Variants in TMEM132D observed in about 807,000 individuals in gnomAD.
TMEM132D encodes mature OL transmembrane protein.
A neutral mutation model predicts 62.3 loss-of-function variants in TMEM132D; 21 were observed. The ratio of observed to expected loss-of-function variants is 0.34; its 90% CI spans 0.24 to 0.49. TMEM132D has a LOEUF of 0.49. Ranked by LOEUF, TMEM132D falls within the 20% of genes least tolerant of loss-of-function variation. TMEM132D has a pLI of 0.99. For synonymous variants in TMEM132D, 621 were observed against 575.6 expected (o/e 1.08, Z -1.13); for missense variants, 1,346 against 1,402.8 (o/e 0.96, Z 0.65).
At chr12:129,535,771 TGTGTGC>T (rs1566102011) in intron 2 of TMEM132D, among the ~76,000 whole-genome samples, 216 of 66,898 alleles carry the variant, frequency 3.2e-3, no homozygotes, top group African/African-American at 0.01. Context: ...ATTTAAGATT[TGTGTGC>T]GTGTGTGTGT....
intron 1 of TMEM132D, among the ~76,000 whole-genome samples, chr12:129,758,196 C>T (rs529747125): frequency 3.3e-5 from 5 of 152,252 alleles, no homozygotes; most frequent in South Asian, 2.1e-4. Flanking sequence ...TGAGCCACCA[C>T]GCCTGGCCCA....
chr12:129,605,311 G>A (rs1274285210), intron 2 of TMEM132D, among the ~76,000 whole-genome samples: 1 of 151,954 alleles, frequency 6.6e-6, no homozygotes, highest in Non-Finnish European at 1.5e-5. Flanking sequence ...GCTCATTACT[G>A]ACTCATGTCT....
intron 3 of TMEM132D, among the ~76,000 whole-genome samples, chr12:129,372,718 T>C (rs1412730741): frequency 6.6e-6 from 1 of 151,920 alleles, no homozygotes; most frequent in Non-Finnish European, 1.5e-5. Flanking sequence ...TGATGATCTG[T>C]CACTGTCTCC....
intron 2 of TMEM132D, among the ~76,000 whole-genome samples, chr12:129,688,201 A>G (rs1394024193): frequency 2.6e-5 from 4 of 152,210 alleles, no homozygotes; most frequent in African/African-American, 9.7e-5. Context: ...ACAAACAGGC[A>G]TTTACTTACA....
intron 2 of TMEM132D, among the ~76,000 whole-genome samples, chr12:129,644,870 C>T (rs1417626980): frequency 6.7e-6 from 1 of 149,528 alleles, no homozygotes; most frequent in Non-Finnish European, 1.5e-5. Context: ...CCTGTAGTCC[C>T]AGCTACTCGG....
intron 4 of TMEM132D, among the ~76,000 whole-genome samples, chr12:129,302,835 T>C (rs543692792): frequency 5.3e-5 from 8 of 152,044 alleles, no homozygotes; most frequent in Admixed American, 3.9e-4. Flanking sequence ...CCTCCACCCA[T>C]GTGAGACCAA....
chr12:129,301,991 G>T (rs1206860164), intron 4 of TMEM132D, among the ~76,000 whole-genome samples: 1 of 152,010 alleles, frequency 6.6e-6, no homozygotes, highest in Non-Finnish European at 1.5e-5. Context: ...AAAACGTATT[G>T]TCTACAGCTT....
intron 2 of TMEM132D, among the ~76,000 whole-genome samples, chr12:129,642,980 A>T (rs937397180): frequency 7.1e-6 from 1 of 141,558 alleles, no homozygotes; most frequent in Non-Finnish European, 1.5e-5. Context: ...GCTGGAGAGC[A>T]ATGGCACAAT....
intron 1 of TMEM132D, among the ~76,000 whole-genome samples, chr12:129,879,404 A>G (rs1593196868): frequency 1.3e-5 from 2 of 152,268 alleles, no homozygotes; most frequent in South Asian, 4.1e-4. Flanking sequence ...ATCCTAACAC[A>G]ACATCAAAGT....
chr12:129,290,933 G>A (rs1881431611), intron 4 of TMEM132D, among the ~76,000 whole-genome samples: 1 of 152,144 alleles, frequency 6.6e-6, no homozygotes, highest in Non-Finnish European at 1.5e-5. Context: ...GCTTAAGGCA[G>A]AAATTGCATA....
At chr12:129,291,147 A>G (rs566964631) in intron 4 of TMEM132D, among the ~76,000 whole-genome samples, 11 of 152,264 alleles carry the variant, frequency 7.2e-5, no homozygotes, top group African/African-American at 2.4e-4. Flanking sequence ...TAAACTCCCC[A>G]TCAGTCAATG....
intron 5 of TMEM132D, among the ~76,000 whole-genome samples, chr12:129,192,945 C>T (rs1878445620): frequency 1.3e-5 from 2 of 152,014 alleles, no homozygotes; most frequent in African/African-American, 4.8e-5. Context: ...CCGAGGCGGG[C>T]GGATCACGAG....
intron 3 of TMEM132D, among the ~76,000 whole-genome samples, chr12:129,417,640 G>A (rs1448184467): frequency 6.6e-6 from 1 of 152,200 alleles, no homozygotes; most frequent in South Asian, 2.1e-4. Context: ...CATAGGCATG[G>A]GCAAAGACTT....
chr12:129,241,842 G>A (rs1393885717), intron 4 of TMEM132D, among the ~76,000 whole-genome samples: 1 of 152,170 alleles, frequency 6.6e-6, no homozygotes, highest in Non-Finnish European at 1.5e-5. Context: ...GCTTGGAGAG[G>A]AGATTATCAA....
chr12:129,658,223 GT>G (rs1455588164), intron 2 of TMEM132D, among the ~76,000 whole-genome samples: 2 of 152,086 alleles, frequency 1.3e-5, no homozygotes, highest in African/African-American at 4.8e-5. Flanking sequence ...TAAACCCCTG[GT>G]TGGTTAGAAA....
chr12:129,217,565 T>C (rs1879240165), intron 4 of TMEM132D, among the ~76,000 whole-genome samples: 2 of 152,156 alleles, frequency 1.3e-5, no homozygotes, highest in Non-Finnish European at 2.9e-5. Context: ...TGGAGGCTTA[T>C]CCAACCAGAA....
At chr12:129,490,519 C>T (rs1419834250) in intron 3 of TMEM132D, among the ~76,000 whole-genome samples, 2 of 147,606 alleles carry the variant, frequency 1.4e-5, no homozygotes, top group African/African-American at 5.1e-5. Context: ...AGCTCCGCCT[C>T]CCGGGTTCAC....
At chr12:129,597,044 A>T (rs1240108284) in intron 2 of TMEM132D, among the ~76,000 whole-genome samples, 2 of 152,218 alleles carry the variant, frequency 1.3e-5, no homozygotes, top group African/African-American at 2.4e-5. Context: ...TGGTTCCCTG[A>T]CTACACATTT....
At chr12:129,310,562 A>C (rs747783122) in intron 4 of TMEM132D, among the ~76,000 whole-genome samples, 2 of 152,160 alleles carry the variant, frequency 1.3e-5, no homozygotes, top group Non-Finnish European at 2.9e-5. Context: ...CTTTGGCTGA[A>C]CCCAGGTGGA....
Sources: allele counts gnomAD v4.1 joint callset (sites outside exome capture counted in the v4.1 genomes callset), GRCh38; gene constraint gnomAD v4.1.1; transcripts MANE v1.5; gene names NCBI Gene and HGNC (gene_info 2026-07-23, HGNC 2026-07-21).